APBB2: variants seen among roughly 807,000 people sequenced by gnomAD.
APBB2 encodes the protein amyloid beta precursor protein binding family B member 2.
A neutral mutation model predicts 82.5 loss-of-function variants in APBB2; 38 were observed. The observed-to-expected ratio is 0.46, with a 90% CI of 0.36 to 0.60. The LOEUF (loss-of-function observed/expected upper bound fraction) is 0.60. Ranked by LOEUF, APBB2 falls within the 20% of genes least tolerant of loss-of-function variation. The probability of loss-of-function intolerance (pLI) is 0.00; values close to 1 mark genes in which losing one functional copy is unlikely to be tolerated. For synonymous variants in APBB2, 341 were observed against 368.2 expected, an observed-to-expected ratio of 0.93 and a Z score of 0.85; for missense variants, 772 against 972.3, an observed-to-expected ratio of 0.79 and a Z score of 2.74.
intron 6 of APBB2, among the ~76,000 whole-genome samples, chr4:40,969,683 G>A (rs1309588089): frequency 2.6e-5 from 4 of 152,120 alleles, no homozygotes; most frequent in Non-Finnish European, 2.9e-5. Context: ...TCCTCCCAGC[G>A]TGTAACTGTT....
In APBB2 at chr4:40,910,994, T is replaced by C. The variant is rs541431386; in HGVS notation, c.1255-17583A>G. ...ACAGCCTGGACTCTGAAGCCAGAGA[T>C]TGCAGTTTGAATCTCAGCTCCCTAC... On this transcript the variant is annotated intron_variant, in intron 10 of 17. Coordinates refer to ENST00000508593, the MANE Select transcript of APBB2 (RefSeq NM_004307.2). Among the ~76,000 whole-genome samples the C allele has an allele frequency of 2.4e-4, 36 of 152,370 alleles. No homozygotes were observed. The South Asian group carries it at 6.2e-3, about 26-fold the overall frequency.
chr4:40,846,708 G>A (rs1162137419), intron 12 of APBB2, among the ~76,000 whole-genome samples: 1 of 152,154 alleles, frequency 6.6e-6, no homozygotes, highest in East Asian at 1.9e-4. Flanking sequence ...GTAAAGCCAG[G>A]AGTTAAAGTG....
intron 6 of APBB2, among the ~76,000 whole-genome samples, chr4:40,964,496 T>C (rs1358711362): frequency 6.7e-6 from 1 of 149,976 alleles, no homozygotes; most frequent in Non-Finnish European, 1.5e-5. Context: ...ATACACCCTA[T>C]GGCCCAGCAA....
chr4:41,170,814 T>G (rs59448391), intron 1 of APBB2, among the ~76,000 whole-genome samples: 21,896 of 152,200 alleles, frequency 0.14, 2,744 homozygotes, highest in African/African-American at 0.35. Flanking sequence ...TCTAGGTGAA[T>G]AATACAGGGG....
intron 2 of APBB2, among the ~76,000 whole-genome samples, chr4:41,120,841 A>G (rs1297147562): frequency 6.6e-6 from 1 of 152,252 alleles, no homozygotes; most frequent in African/African-American, 2.4e-5. Context: ...AACCTAAATC[A>G]AGTGAAAAGT....
At chr4:41,058,381 A>T (rs1239413566) in intron 4 of APBB2, among the ~76,000 whole-genome samples, 1 of 152,234 alleles carries the variant, frequency 6.6e-6, no homozygotes, top group African/African-American at 2.4e-5. Flanking sequence ...AGATAAATAC[A>T]TAGAAGTAAC....
intron 12 of APBB2, among the ~76,000 whole-genome samples, chr4:40,868,270 G>A (rs1283441238): frequency 1.3e-5 from 2 of 152,188 alleles, no homozygotes; most frequent in Non-Finnish European, 2.9e-5. Flanking sequence ...CACTGAGGCT[G>A]GGGCAAAGCC....
In APBB2 at chr4:40,934,640, G is replaced by C. The variant is rs1305117006; in HGVS notation, c.1167C>G (p.Thr389=). 1 of 1,614,048 alleles carries C rather than the reference G, an allele frequency of 6.2e-7. No individual in the cohort carries two copies. Among genetic ancestry groups the C allele is most frequent in the Non-Finnish European group, 8.5e-7 (1 of 1,179,894 alleles). Residue 389 remains threonine, a synonymous_variant, in exon 9 of 18, where the codon ACC becomes ACG. Transcript: ENST00000508593. ...TGAGTTTCAAAGATGCATAGCGTAG[G>C]GTTGCTCCTTCAAACTCTTTTAAAC... ...DPSLKEFEGA[T]LRYASLKLRN...
rs1020826250 is a variant in APBB2 at position 41,183,800 on chromosome 4, T to A, written c.-417+30605A>T. ...TTTTTGGCACCAAGAAGTTGTTTCA[T>A]GGAAGACAATTTTTCTATGGACTGG... is the stretch of plus-strand genomic sequence containing the variant. On this transcript the variant is annotated intron_variant, in intron 1 of 17. Coordinates refer to ENST00000508593, the MANE Select transcript of APBB2 (RefSeq NM_004307.2). Among the ~76,000 whole-genome samples the A allele has an allele frequency of 2.2e-5, 3 of 135,828 alleles. No homozygotes were observed. In the East Asian group the frequency reaches 6.5e-4, roughly 30 times the overall value. 89.1% of individuals were successfully genotyped at this position (135,828 alleles called of 152,430 possible). A position where few individuals can be genotyped will look rare whatever the true frequency, so the allele number is the denominator to read the frequency against.
At chr4:41,089,086 C>G (rs948130362) in intron 3 of APBB2, among the ~76,000 whole-genome samples, 1 of 152,122 alleles carries the variant, frequency 6.6e-6, no homozygotes, top group Non-Finnish European at 1.5e-5. Flanking sequence ...TGCAAACCAT[C>G]GCAGGTTAAA....
rs186085067 is a variant in APBB2 at position 40,956,942 on chromosome 4, C to T, written c.836-11869G>A. 5.9e-5 allele frequency among the ~76,000 whole-genome samples: 9 copies of T among 152,290 alleles called. No homozygotes were observed. In the East Asian group the frequency reaches 1.7e-3, roughly 29 times the overall value. ...CTGGGCTTACTCAACTACATTTTCT[C>T]GGGGCTGTATTACTATCAGGAACAG... On this transcript the variant is annotated intron_variant, in intron 6 of 17. Coordinates refer to ENST00000508593, the MANE Select transcript of APBB2 (RefSeq NM_004307.2).
At chr4:41,213,313 A>G (rs1004674532) in intron 1 of APBB2, among the ~76,000 whole-genome samples, 1 of 152,120 alleles carries the variant, frequency 6.6e-6, no homozygotes, top group Non-Finnish European at 1.5e-5. Flanking sequence ...AAAGCCAGTG[A>G]CTGAGGGACT....
intron 12 of APBB2, among the ~76,000 whole-genome samples, chr4:40,885,487 G>A (rs183408498): frequency 1.3e-5 from 2 of 152,270 alleles, no homozygotes; most frequent in Admixed American, 6.5e-5. Context: ...TGTCCCAGGT[G>A]TGCCTGCCCA....
At chr4:40,831,131 G>C (rs920062903) in intron 12 of APBB2, among the ~76,000 whole-genome samples, 3 of 152,140 alleles carry the variant, frequency 2.0e-5, no homozygotes, top group Admixed American at 6.5e-5. Context: ...TGGGCGTGGT[G>C]GCTCATGCCT....
intron 4 of APBB2, among the ~76,000 whole-genome samples, chr4:41,055,961 G>A (rs975211042): frequency 1.1e-4 from 17 of 152,336 alleles, no homozygotes; most frequent in African/African-American, 2.9e-4. Flanking sequence ...GGGAGGCCAA[G>A]GTGGGTGGAT....
At chr4:41,037,862 C>T (rs765562068) in intron 4 of APBB2, among the ~76,000 whole-genome samples, 29 of 152,032 alleles carry the variant, frequency 1.9e-4, no homozygotes, top group Non-Finnish European at 3.5e-4. Context: ...ACAAAAAATA[C>T]AAAAATTAGC....
chr4:40,997,814 C>T (rs1296613276), intron 6 of APBB2, among the ~76,000 whole-genome samples: 6 of 152,090 alleles, frequency 3.9e-5, no homozygotes, highest in African/African-American at 1.4e-4. Context: ...GTCCTTGAAG[C>T]GGTAAAAATT....
chr4:40,820,525 C>A (rs1483829831), intron 17 of APBB2, among the ~76,000 whole-genome samples: 2 of 151,788 alleles, frequency 1.3e-5, no homozygotes, highest in African/African-American at 2.4e-5. Context: ...ATTAGCCAGG[C>A]GTGGTGGCAG....
At chr4:40,925,801 C>A (rs898488167) in intron 10 of APBB2, among the ~76,000 whole-genome samples, 7 of 152,170 alleles carry the variant, frequency 4.6e-5, no homozygotes, top group Non-Finnish European at 7.3e-5. Context: ...TAGTCAGTAG[C>A]TGCTAATATA....
Sources: gnomAD v4.1 joint callset for allele counts (sites outside exome capture counted in the v4.1 genomes callset) on GRCh38, gnomAD v4.1.1 for gene constraint, MANE v1.5 for transcripts, NCBI Gene and HGNC (gene_info 2026-07-23, HGNC 2026-07-21) for gene names.